DPP10: variants seen among roughly 807,000 people sequenced by gnomAD.
The protein encoded by DPP10 is inactive dipeptidyl peptidase 10.
A neutral mutation model predicts 120.9 loss-of-function variants in DPP10; 33 were observed. The ratio of observed to expected loss-of-function variants is 0.27; its 90% CI spans 0.21 to 0.37. The LOEUF is 0.37. Ranked by LOEUF, DPP10 falls within the 10% of genes least tolerant of loss-of-function variation. The probability of loss-of-function intolerance (pLI) is 1.00; values close to 1 mark genes in which losing one functional copy is unlikely to be tolerated. For synonymous variants in DPP10, 337 were observed against 326.1 expected (o/e 1.03, Z -0.36); for missense variants, 816 against 942.8 (o/e 0.87, Z 1.76).
At chr2:114,695,593 C>T (rs544324637) in intron 1 of DPP10, among the ~76,000 whole-genome samples, 5 of 152,148 alleles carry the variant, frequency 3.3e-5, no homozygotes, top group East Asian at 1.9e-4. Context: ...TCCATAACAA[C>T]ACAGTGACTT....
At chr2:115,737,476 A>C (rs1014176721) in intron 8 of DPP10, among the ~76,000 whole-genome samples, 1 of 152,020 alleles carries the variant, frequency 6.6e-6, no homozygotes, top group Non-Finnish European at 1.5e-5. Context: ...AGCGACAATG[A>C]TCTTTTTTCA....
chr2:114,558,903 A>G (rs1688534415), intron 1 of DPP10, among the ~76,000 whole-genome samples: 1 of 152,130 alleles, frequency 6.6e-6, no homozygotes, highest in South Asian at 2.1e-4. Context: ...ATTCCAATTA[A>G]TTTGTATTGG....
intron 3 of DPP10, among the ~76,000 whole-genome samples, chr2:115,393,320 A>G (rs1341488196): frequency 2.0e-5 from 3 of 152,172 alleles, no homozygotes; most frequent in Non-Finnish European, 4.4e-5. Flanking sequence ...CAAAAAAAAA[A>G]AAAAATCTAT....
chr2:114,508,960 C>T (rs887595775), intron 1 of DPP10, among the ~76,000 whole-genome samples: 3 of 151,482 alleles, frequency 2.0e-5, no homozygotes, highest in Non-Finnish European at 4.4e-5. Flanking sequence ...CAATTTGAGT[C>T]GAATACCAAG....
chr2:114,962,482 C>A (rs766897936), intron 1 of DPP10, among the ~76,000 whole-genome samples: 2 of 152,142 alleles, frequency 1.3e-5, no homozygotes, highest in South Asian at 2.1e-4. Context: ...AAAAAGTGTG[C>A]TTTTTTTCTT....
At chr2:114,723,401 C>A (rs1701832718) in intron 1 of DPP10, among the ~76,000 whole-genome samples, 1 of 152,118 alleles carries the variant, frequency 6.6e-6, no homozygotes, top group African/African-American at 2.4e-5. Flanking sequence ...GAAAGATGTA[C>A]AACAGTTCCA....
chr2:114,490,618 A>G (rs1681910577), intron 1 of DPP10, among the ~76,000 whole-genome samples: 1 of 152,222 alleles, frequency 6.6e-6, no homozygotes, highest in South Asian at 2.1e-4. Flanking sequence ...AAGAATTGAT[A>G]GAACTTGGCT....
chr2:114,662,622 A>G (rs968994339), intron 1 of DPP10, among the ~76,000 whole-genome samples: 2 of 152,132 alleles, frequency 1.3e-5, no homozygotes, highest in Non-Finnish European at 2.9e-5. Flanking sequence ...GGGAGGCTGG[A>G]TGGCCACCGC....
chr2:115,511,586 A>T (rs2077225033), intron 4 of DPP10, among the ~76,000 whole-genome samples: 10 of 137,426 alleles, frequency 7.3e-5, no homozygotes, highest in East Asian at 4.6e-4. Flanking sequence ...AAGCTTTTTT[A>T]TTTCCTTCCT....
At chr2:115,528,577 C>G (rs1165056288) in intron 5 of DPP10, among the ~76,000 whole-genome samples, 1 of 151,952 alleles carries the variant, frequency 6.6e-6, no homozygotes, top group Non-Finnish European at 1.5e-5. Context: ...TTTGCAGCAG[C>G]CTTATTTATA....
intron 5 of DPP10, among the ~76,000 whole-genome samples, chr2:115,615,693 T>C (rs973301305): frequency 2.0e-5 from 3 of 152,282 alleles, no homozygotes; most frequent in African/African-American, 7.2e-5. Flanking sequence ...TTAATATGAT[T>C]GCAATTATTT....
At chr2:115,352,264 G>GA (rs770662208) in intron 3 of DPP10, among the ~76,000 whole-genome samples, 4 of 151,836 alleles carry the variant, frequency 2.6e-5, no homozygotes, top group Admixed American at 6.6e-5. Context: ...TTTAAAATAA[G>GA]AAAAAAAAGC....
rs968412539 is a variant in DPP10, at chr2:115,346,848, A to G, written c.271+2936A>G. 2.2e-4 allele frequency among the ~76,000 whole-genome samples: 34 copies of G among 152,146 alleles called. 1 individual carries two copies. The highest frequency in any genetic ancestry group is 2.2e-3 in the Admixed American group (34 of 15,264). ...AAACTTATCCGAACACACACCTAAT[A>G]AAAGGCAGAGGCTGCTTTACTCATT... is the stretch of plus-strand genomic sequence containing the variant. On this transcript the variant is annotated intron_variant, in intron 3 of 25. Coordinates refer to ENST00000410059, the MANE Select transcript of DPP10 (RefSeq NM_020868.6).
At position 115,437,811 on chromosome 2, in the gene DPP10, A is replaced by G. The variant is rs150190909; in HGVS notation, c.272-61699A>G. Among the ~76,000 whole-genome samples, 425 of 152,240 alleles carry G rather than the reference A, an allele frequency of 2.8e-3. 2 individuals are homozygous for G. Among genetic ancestry groups the G allele is most frequent in the African/African-American group, 9.8e-3 (408 of 41,556 alleles). ...ATGACTACCTTGGTGGTATTGTAAG[A>G]GCTGTCACCAAAAATGAGCAAAAAT... On this transcript the variant is annotated intron_variant, in intron 3 of 25. Transcript: ENST00000410059.
At chr2:115,719,677 G>T (rs2092595713) in intron 7 of DPP10, among the ~76,000 whole-genome samples, 1 of 152,150 alleles carries the variant, frequency 6.6e-6, no homozygotes, top group African/African-American at 2.4e-5. Flanking sequence ...CTGCATTGTG[G>T]CTTTCAGTAA....
At chr2:115,473,066 G>T (rs2074837739) in intron 3 of DPP10, among the ~76,000 whole-genome samples, 3 of 152,116 alleles carry the variant, frequency 2.0e-5, no homozygotes, top group African/African-American at 7.2e-5. Context: ...TATAATAAAT[G>T]AAAATGTGGT....
intron 1 of DPP10, among the ~76,000 whole-genome samples, chr2:115,022,756 T>C (rs192731019): frequency 4.1e-4 from 62 of 152,118 alleles, no homozygotes; most frequent in African/African-American, 1.1e-3. Flanking sequence ...AACTATACTA[T>C]AAGGCCATAG....
chr2:115,410,566 C>G (rs1008918600), intron 3 of DPP10, among the ~76,000 whole-genome samples: 3 of 152,160 alleles, frequency 2.0e-5, no homozygotes. Context: ...AGCAAACCAC[C>G]ATGGCACACG....
chr2:115,185,722 A>G (rs2054389695), intron 1 of DPP10, among the ~76,000 whole-genome samples: 1 of 152,226 alleles, frequency 6.6e-6, no homozygotes, highest in African/African-American at 2.4e-5. Context: ...CCAATTCGGC[A>G]TAGATGGATG....
Sources: allele counts gnomAD v4.1 joint callset (sites outside exome capture counted in the v4.1 genomes callset), GRCh38; gene constraint gnomAD v4.1.1; transcripts MANE v1.5; gene names NCBI Gene and HGNC (gene_info 2026-07-23, HGNC 2026-07-21).